Variants in CLTC observed in about 807,000 individuals in gnomAD.
The protein encoded by CLTC is clathrin heavy chain, also known as clathrin heavy chain 1.
A neutral mutation model predicts 195.8 loss-of-function variants in CLTC; 16 were observed. The observed-to-expected ratio is 0.08, with a 90% confidence interval of 0.06 to 0.12. CLTC has a LOEUF of 0.12. CLTC is among the 10% of genes least tolerant of loss of function. The pLI is 1.00. For synonymous variants in CLTC, 667 were observed against 689.4 expected (o/e 0.97, Z 0.51); for missense variants, 796 against 2,027.0 (o/e 0.39, Z 11.66).
chr17:59,638,146 C>A (rs190633842), intron 1 of CLTC, among the ~76,000 whole-genome samples: 2 of 152,084 alleles, frequency 1.3e-5, no homozygotes, highest in Non-Finnish European at 2.9e-5. Context: ...AAAAGCTAAC[C>A]TTGAGCTGGC....
intron 17 of CLTC, among the ~76,000 whole-genome samples, chr17:59,678,713 A>G (rs1468669163): frequency 2.6e-5 from 4 of 152,188 alleles, no homozygotes; most frequent in Admixed American, 2.6e-4. Context: ...TTAGAAACCA[A>G]GATCTGGGCC....
chr17:59,661,179 ATT>A (rs57359577), intron 7 of CLTC, among the ~76,000 whole-genome samples: 5 of 146,894 alleles, frequency 3.4e-5, no homozygotes, highest in African/African-American at 1.2e-4. Flanking sequence ...ATTCTGGATA[ATT>A]TTTTTTTTTT....
rs2032584137 is a variant in CLTC, at chr17:59,660,546, A to T, written c.1125A>T (p.Gly375=). ...AATTTAATGCTCTTTTTGCCCAGGG[A>T]AATTACTCGGAGGCAGCAAAGGTGG... The part of the protein sequence containing the change: ...ARKFNALFAQ[G]NYSEAAKVAA... Residue 375 remains glycine (G), a synonymous_variant, in exon 7 of 32, where the codon GGA becomes GGT. Coordinates refer to ENST00000269122, the MANE Select transcript of CLTC (RefSeq NM_004859.4). The T allele has an allele frequency of 6.2e-7, 1 of 1,614,010 alleles. No individual in the cohort carries two copies. Among genetic ancestry groups the T allele is most frequent in the African/African-American group, 1.3e-5 (1 of 74,902 alleles).
At position 59,666,065 on chromosome 17, in the gene CLTC, G is replaced by T. The variant is rs777863855; in HGVS notation, c.1645-38G>T. The T allele has an allele frequency of 7.3e-6, 11 of 1,504,960 alleles. No homozygotes were observed. Among genetic ancestry groups the T allele is most frequent in the Admixed American group, 1.7e-5 (1 of 58,650 alleles). The allele number at this position is 1,504,960 out of a possible 1,614,324, so 93.2% of individuals were successfully genotyped here. A position where few individuals can be genotyped will look rare whatever the true frequency, so the allele number is the denominator to read the frequency against. On this transcript the variant is annotated intron_variant, in intron 10 of 31. Transcript: ENST00000269122. This position sits in a 1 kb window ranked among gnomAD's most constrained non-coding sequence, Gnocchi z 4.9. ...TAATTTTGTCTACATACTCTCCATA[G>T]TATCTTAAAACAATTTCTTTTAAAT...
At chr17:59,693,193 C>G (rs528037780) in intron 31 of CLTC, among the ~76,000 whole-genome samples, 1 of 151,962 alleles carries the variant, frequency 6.6e-6, no homozygotes, top group African/African-American at 2.4e-5. Flanking sequence ...GTGGCAAAAC[C>G]CTGTCTCTAC....
At chr17:59,686,609 T>A (rs1054909963) in intron 30 of CLTC, among the ~76,000 whole-genome samples, 2 of 152,228 alleles carry the variant, frequency 1.3e-5, no homozygotes, top group African/African-American at 4.8e-5. Flanking sequence ...CCATTGTGTC[T>A]GTTTAAAGTT....
chr17:59,648,316 C>T lies in CLTC; in HGVS notation c.596C>T (p.Ala199Val). Reference protein sequence around the residue: ...KVSQPIEGHAASFAQFKMEGN... With the variant: ...KVSQPIEGHAVSFAQFKMEGN... Reference sequence around the variant, plus strand: ...TCTCAGCCCATTGAAGGACATGCAGCTAGCTTTGCACAGTTTAAGATGGAA... The same window carrying T: ...TCTCAGCCCATTGAAGGACATGCAGTTAGCTTTGCACAGTTTAAGATGGAA... Residue 199 changes from alanine to valine, a missense_variant, in exon 4 of 32, where the codon GCT becomes GTT. By Grantham distance (64) the Ala-to-Val change is moderately conservative. Transcript: ENST00000269122. The surrounding 1 kb of genome is among the most constrained non-coding windows in gnomAD (Gnocchi z 4.5). 6.2e-7 allele frequency: 1 copy of T among 1,614,112 alleles called. No homozygotes were observed. The highest frequency in any genetic ancestry group is 8.5e-7 in the Non-Finnish European group (1 of 1,179,978).
At position 59,683,669 on chromosome 17, in the gene CLTC, A is replaced by G; in HGVS notation, c.4236A>G (p.Leu1412=). Residue 1412 remains leucine, a synonymous_variant, in exon 27 of 32, where the codon TTA becomes TTG. Coordinates refer to ENST00000269122, the MANE Select transcript of CLTC (RefSeq NM_004859.4). The surrounding 1 kb of genome is among the most constrained non-coding windows in gnomAD (Gnocchi z 6.1). ...ELYYRAIQFY[L]EFKPLLLNDL... is the part of the protein sequence containing the mutation. ...ACTACAGAGCAATACAGTTCTACTT[A>G]GAATTCAAGCCTCTGTTGTTAAATG... 3 of 1,614,214 alleles carry G rather than the reference A, an allele frequency of 1.9e-6. No individual in the cohort carries two copies. Among genetic ancestry groups the G allele is most frequent in the Non-Finnish European group, 2.5e-6 (3 of 1,180,020 alleles).
intron 6 of CLTC, chr17:59,658,723 A>G (rs1023379131): frequency 6.6e-6 from 1 of 152,232 alleles, no homozygotes; most frequent in African/African-American, 2.4e-5. Context: ...CTTACTAAGG[A>G]CTGGTTGCTA....
intron 1 of CLTC, among the ~76,000 whole-genome samples, chr17:59,640,839 G>A (rs921086814): frequency 5.3e-5 from 8 of 151,882 alleles, no homozygotes; most frequent in Admixed American, 4.6e-4. Context: ...AATTTGACAC[G>A]GCTGGACGCC....
chr17:59,634,943 AG>A lies in CLTC; in HGVS notation c.43-9331del, dbSNP rs572706046. 2.0e-5 allele frequency among the ~76,000 whole-genome samples: 3 copies of A among 152,352 alleles called. No individual in the cohort carries two copies. In the South Asian group the frequency reaches 6.2e-4, roughly 32 times the overall value. On this transcript the variant is annotated intron_variant, in intron 1 of 31. Transcript: ENST00000269122. Reference sequence around the variant, plus strand: ...CCGCGACTGATACTAGAGAAGGTAGAGGATGTTTAGGAGCTTTTAAAGGAAA... The same window carrying A: ...CCGCGACTGATACTAGAGAAGGTAGAGATGTTTAGGAGCTTTTAAAGGAAA...
chr17:59,628,375 A>G (rs1168331103), intron 1 of CLTC, among the ~76,000 whole-genome samples: 1 of 152,166 alleles, frequency 6.6e-6, no homozygotes, highest in African/African-American at 2.4e-5. Flanking sequence ...TTTGTAGTAT[A>G]ATATTTAGCC....
intron 2 of CLTC, among the ~76,000 whole-genome samples, chr17:59,645,387 T>C (rs1234192651): frequency 1.3e-5 from 2 of 152,208 alleles, no homozygotes; most frequent in African/African-American, 4.8e-5. Context: ...AAGGGAACTG[T>C]GCAGCTTAAG....
intron 1 of CLTC, among the ~76,000 whole-genome samples, chr17:59,636,639 C>T (rs2031868914): frequency 6.6e-6 from 1 of 152,132 alleles, no homozygotes; most frequent in East Asian, 1.9e-4. Flanking sequence ...AGGTGTGAAC[C>T]ACCATACCCA....
chr17:59,692,111 G>A (rs952499134), intron 31 of CLTC, among the ~76,000 whole-genome samples: 11 of 152,184 alleles, frequency 7.2e-5, no homozygotes, highest in Non-Finnish European at 1.6e-4. Flanking sequence ...GAGGTCAGGA[G>A]ATCAAGACCA....
chr17:59,666,006 A>G lies in CLTC; in HGVS notation c.1645-97A>G. 2 of 915,504 alleles carry G rather than the reference A, an allele frequency of 2.2e-6. No individual in the cohort carries two copies. Among genetic ancestry groups the G allele is most frequent in the Admixed American group, 4.7e-5 (2 of 42,188 alleles). The allele number at this position is 915,504 out of a possible 1,614,324, so 56.7% of individuals were successfully genotyped here. A position where few individuals can be genotyped will look rare whatever the true frequency, so the allele number is the denominator to read the frequency against. ...TGTTCTTAAGTGTTTATATTGTCCA[A>G]ATAAAATTCTCAGGTAAAGAAAGAG... On this transcript the variant is annotated intron_variant, in intron 10 of 31. Transcript: ENST00000269122. The surrounding 1 kb of genome is among the most constrained non-coding windows in gnomAD (Gnocchi z 4.9).
chr17:59,687,893 C>A (rs538478297), intron 30 of CLTC, among the ~76,000 whole-genome samples: 7 of 152,034 alleles, frequency 4.6e-5, no homozygotes, highest in Non-Finnish European at 1.0e-4. Context: ...AACAAACTTA[C>A]GTCTGTTATC....
intron 1 of CLTC, among the ~76,000 whole-genome samples, chr17:59,626,458 TAATG>T (rs1227493127): frequency 6.6e-6 from 1 of 152,196 alleles, no homozygotes; most frequent in South Asian, 2.1e-4. Flanking sequence ...AAAAAAAACT[TAATG>T]AATCATATCG....
At chr17:59,658,360 C>G (rs999617093) in intron 6 of CLTC, among the ~76,000 whole-genome samples, 3 of 152,198 alleles carry the variant, frequency 2.0e-5, no homozygotes, top group Non-Finnish European at 2.9e-5. Context: ...TGCTGTTGTG[C>G]TGTTTTAAGA....
Sources: gnomAD v4.1 joint callset for allele counts (sites outside exome capture counted in the v4.1 genomes callset) on GRCh38, gnomAD v4.1.1 for gene constraint, Gnocchi (gnomAD v3.1) non-coding constraint, MANE v1.5 for transcripts, NCBI Gene and HGNC (gene_info 2026-07-23, HGNC 2026-07-21) for gene names.